Variants in XYLB observed in about 807,000 individuals in gnomAD.
XYLB encodes xylulose kinase.
Under a neutral mutation model 78.7 loss-of-function variants are expected in XYLB, and 62 were observed. That is an observed-to-expected ratio of 0.79 (90% confidence interval 0.64 to 0.97). XYLB has a LOEUF of 0.97. XYLB is among the 50% of genes least tolerant of loss of function. XYLB has a pLI of 0.00. For missense variants in XYLB, 687 were observed against 676.8 expected (o/e 1.02, Z -0.17); for synonymous variants, 245 against 247.4 (o/e 0.99, Z 0.09).
chr3:38,402,379 A>G lies in XYLB; in HGVS notation c.1533+1394A>G, dbSNP rs1317129803. The stretch of plus-strand genomic sequence containing the variant: ...TCTGAAACGAAAGCTGTCATAAGAC[A>G]TGTAGAAACACTATGGAGAATTGTC... On this transcript the variant is annotated intron_variant, in intron 18 of 18. Coordinates refer to ENST00000207870, the MANE Select transcript of XYLB (RefSeq NM_005108.4). 4.6e-5 allele frequency among the ~76,000 whole-genome samples: 7 copies of G among 152,330 alleles called. No individual in the cohort carries two copies. In the East Asian group the frequency reaches 1.2e-3, roughly 25 times the overall value.
chr3:38,379,144 A>C, intron 14 of XYLB, 102 bp from the exon 15 acceptor site: 1 of 1,200,316 alleles, frequency 8.3e-7, no homozygotes, highest in Non-Finnish European at 1.2e-6. Flanking sequence ...TGAGTTTCAA[A>C]TCTGGGCTGT....
chr3:38,422,002 A>G (rs997682437), downstream of XYLB, among the ~76,000 whole-genome samples: 3 of 152,186 alleles, frequency 2.0e-5, no homozygotes, highest in Non-Finnish European at 4.4e-5. Flanking sequence ...GTTAGAATAC[A>G]CCCACCTGAT....
At chr3:38,426,990 G>T in the XYLB span, among the ~76,000 whole-genome samples, 1 of 152,232 alleles carries the variant, frequency 6.6e-6, no homozygotes, top group Non-Finnish European at 1.5e-5. Context: ...TTTTGCTACA[G>T]ATAATCAGCC....
chr3:38,379,446 AG>A (rs1035368746), intron 15 of XYLB, 104 bp downstream of exon 15: 3 of 1,145,764 alleles, frequency 2.6e-6, no homozygotes, highest in Non-Finnish European at 3.9e-6. Flanking sequence ...GTTTTCTTAC[AG>A]GGGGACTTGT....
chr3:38,350,706 A>G (rs1405404381), intron 2 of XYLB, among the ~76,000 whole-genome samples: 1 of 152,128 alleles, frequency 6.6e-6, no homozygotes, highest in Non-Finnish European at 1.5e-5. Flanking sequence ...TTAATGCTAT[A>G]AATTTCTCTG....
Position 38,365,598 on chromosome 3 carries a change from TC to T in XYLB, c.379-8del, listed in dbSNP as rs755255717. ...GGAGCTTAAGCCTGTGCCTTTGCCC[TC>T]CTTCCCAGGACTGTTTCTCCATCAG... On this transcript the variant is annotated splice_polypyrimidine_tract_variant and intron_variant, in intron 5 of 18. Transcript: ENST00000207870. The T allele has an allele frequency of 5.0e-6, 8 of 1,605,306 alleles. No homozygotes were observed. Among genetic ancestry groups the T allele is most frequent in the Non-Finnish European group, 8.5e-7 (1 of 1,173,978 alleles).
downstream of XYLB, among the ~76,000 whole-genome samples, chr3:38,418,227 G>A (rs986851390): frequency 2.0e-5 from 3 of 148,824 alleles, no homozygotes; most frequent in African/African-American, 7.4e-5. Flanking sequence ...ATATATATAT[G>A]TATGTATGTA....
chr3:38,352,168 C>CA (rs11452246), intron 2 of XYLB, among the ~76,000 whole-genome samples: 135,701 of 152,208 alleles, frequency 0.89, 61,146 homozygotes, highest in East Asian at 1. Context: ...ATATGTAACT[C>CA]AATGAAAAGT....
chr3:38,396,478 C>A (rs1400814710), intron 16 of XYLB, among the ~76,000 whole-genome samples: 1 of 152,168 alleles, frequency 6.6e-6, no homozygotes, highest in Non-Finnish European at 1.5e-5. Flanking sequence ...GTGCTGCAAG[C>A]CATTAGTAGC....
chr3:38,362,456 T>C (rs929550983), intron 3 of XYLB, among the ~76,000 whole-genome samples: 1 of 152,172 alleles, frequency 6.6e-6, no homozygotes, highest in Admixed American at 6.5e-5. Flanking sequence ...CACACTGGTC[T>C]TGAACTCCTG....
At chr3:38,448,063 T>TA in the XYLB span, among the ~76,000 whole-genome samples, 124 of 148,202 alleles carry the variant, frequency 8.4e-4, 2 homozygotes, top group Middle Eastern at 0.014. Context: ...AAATTTTAAT[T>TA]AAAAAAAAAA....
At chr3:38,415,242 C>T (rs971050767), downstream of XYLB, among the ~76,000 whole-genome samples, 1 of 152,202 alleles carries the variant, frequency 6.6e-6, no homozygotes, top group Non-Finnish European at 1.5e-5. Flanking sequence ...TCATATTTCA[C>T]CAAGCTGTCC....
chr3:38,377,027 C>A, intron 14 of XYLB, 36 bp downstream of exon 14: 1 of 1,568,220 alleles, frequency 6.4e-7, no homozygotes, highest in Non-Finnish European at 8.7e-7. Flanking sequence ...TACATTGGCT[C>A]CATTTGTGAG....
chr3:38,436,199 A>G, the XYLB span, among the ~76,000 whole-genome samples: 1 of 152,180 alleles, frequency 6.6e-6, no homozygotes, highest in Non-Finnish European at 1.5e-5. Context: ...CAAGAAAAAA[A>G]GAGAGAAGAC....
chr3:38,363,043 C>G, intron 4 of XYLB, 26 bp downstream of exon 4: 1 of 1,516,006 alleles, frequency 6.6e-7, no homozygotes, highest in Middle Eastern at 1.8e-4. Context: ...ACTCTGTCTG[C>G]CATGTGAGGG....
downstream of XYLB, among the ~76,000 whole-genome samples, chr3:38,417,912 C>T (rs1426481652): frequency 6.7e-6 from 1 of 149,602 alleles, no homozygotes; most frequent in Non-Finnish European, 1.5e-5. Context: ...ATATATCAGG[C>T]CGGGCGTGGT....
rs375645376 is a variant in XYLB at position 38,362,983 on chromosome 3, T to A, written c.257T>A (p.Phe86Tyr). The part of the protein sequence containing the change: ...LEKMKASGFD[F>Y]SQVLALSGAG... Reference sequence around the variant, plus strand: ...AAGATGAAGGCTTCGGGCTTCGACTTCTCTCAAGTCCTAGCCTTGTCCGGG... The same window carrying A: ...AAGATGAAGGCTTCGGGCTTCGACTACTCTCAAGTCCTAGCCTTGTCCGGG... Residue 86 changes from phenylalanine to tyrosine, a missense_variant, in exon 4 of 19, where the codon TTC becomes TAC. Physicochemically the swap from Phe to Tyr is conservative, Grantham distance 22 (BLOSUM62 3). Transcript: ENST00000207870. The A allele has an allele frequency of 1.9e-6, 3 of 1,576,958 alleles. No homozygotes were observed. The highest frequency in any genetic ancestry group is 2.6e-6 in the Non-Finnish European group (3 of 1,161,002).
rs2615631 is a variant in XYLB, at chr3:38,348,529, C to T, written c.58-21C>T. ...GAAGCTGAGGAAAATTCTACACTTC[C>T]TTTTTTAAAATGCCTTTCAGGTAAA... On this transcript the variant is annotated intron_variant, in intron 1 of 18. Coordinates refer to ENST00000207870, the MANE Select transcript of XYLB (RefSeq NM_005108.4). 6 of 1,613,834 alleles carry T rather than the reference C, an allele frequency of 3.7e-6. No homozygotes were observed. In the South Asian group the frequency reaches 4.4e-5, roughly 12 times the overall value.
chr3:38,353,616 C>T (rs1011198349), intron 2 of XYLB, among the ~76,000 whole-genome samples: 20 of 152,012 alleles, frequency 1.3e-4, no homozygotes, highest in African/African-American at 2.7e-4. Flanking sequence ...CAGCCTCAAC[C>T]GGGTTTTTAG....
Sources: gnomAD v4.1 joint callset for allele counts (sites outside exome capture counted in the v4.1 genomes callset) on GRCh38, gnomAD v4.1.1 for gene constraint, MANE v1.5 for transcripts, NCBI Gene and HGNC (gene_info 2026-07-23, HGNC 2026-07-21) for gene names.